The following NRG3 variants were observed in gnomAD, a reference collection of about 807,000 sequenced individuals.
The protein encoded by NRG3 is neuregulin 3.
Under a neutral mutation model 66.9 loss-of-function variants are expected in NRG3, and 31 were observed. The observed-to-expected ratio is 0.46, with a 90% CI of 0.35 to 0.63. NRG3 has a LOEUF of 0.63. Among genes scored for constraint, NRG3 ranks in the 20% least tolerant of loss-of-function variants. The pLI is 0.00. For missense variants in NRG3, 910 were observed against 878.9 expected (o/e 1.04, Z -0.45); for synonymous variants, 393 against 359.4 (o/e 1.09, Z -1.06).
At chr10:82,284,806 T>C (rs111639070) in intron 1 of NRG3, among the ~76,000 whole-genome samples, 5 of 152,208 alleles carry the variant, frequency 3.3e-5, no homozygotes, top group African/African-American at 1.2e-4. Flanking sequence ...ATGTGTTTCA[T>C]GTGAACCTCA....
chr10:82,527,239 A>G (rs1376617788), intron 2 of NRG3, among the ~76,000 whole-genome samples: 3 of 152,136 alleles, frequency 2.0e-5, no homozygotes, highest in African/African-American at 7.2e-5. Context: ...TGAATGAATC[A>G]TGCCATCAAA....
intron 1 of NRG3, among the ~76,000 whole-genome samples, chr10:82,059,409 A>G (rs2064015838): frequency 6.6e-6 from 1 of 152,234 alleles, no homozygotes; most frequent in Admixed American, 6.5e-5. Flanking sequence ...TGACTAAGAT[A>G]GCAAGGATGG....
chr10:82,227,491 G>T (rs1481222141), intron 1 of NRG3, among the ~76,000 whole-genome samples: 2 of 151,850 alleles, frequency 1.3e-5, no homozygotes, highest in African/African-American at 4.8e-5. Context: ...TTTTTAACTT[G>T]CTTATCTTTT....
intron 2 of NRG3, among the ~76,000 whole-genome samples, chr10:82,675,233 A>C (rs546947621): frequency 6.6e-6 from 1 of 152,240 alleles, no homozygotes; most frequent in South Asian, 2.1e-4. Flanking sequence ...CTGGGATTAC[A>C]GGTGTGAGAC....
At chr10:82,846,390 T>C (rs1397441569) in intron 3 of NRG3, among the ~76,000 whole-genome samples, 2 of 152,196 alleles carry the variant, frequency 1.3e-5, no homozygotes. Flanking sequence ...GGAATTATAA[T>C]AGCAGATGAT....
At chr10:82,078,459 T>C (rs2065212656) in intron 1 of NRG3, among the ~76,000 whole-genome samples, 1 of 152,192 alleles carries the variant, frequency 6.6e-6, no homozygotes, top group South Asian at 2.1e-4. Context: ...CATGCCATTC[T>C]CCTGCCTCAG....
rs547261070 is a variant in NRG3 at position 82,730,523 on chromosome 10, A to G, written c.954-8054A>G. 1.6e-4 allele frequency among the ~76,000 whole-genome samples: 24 copies of G among 152,354 alleles called. 1 individual carries two copies. In the South Asian group the frequency reaches 4.6e-3, roughly 29 times the overall value. ...TTGACAACACATTGGAAAACCTTCAAGAGTTCTAAAGCAGCCGTTACTCTG... is the reference window on the plus strand; with the variant it reads ...TTGACAACACATTGGAAAACCTTCAGGAGTTCTAAAGCAGCCGTTACTCTG... On this transcript the variant is annotated intron_variant, in intron 2 of 8. Transcript: ENST00000372141.
At chr10:82,712,610 T>G (rs1179653547) in intron 2 of NRG3, among the ~76,000 whole-genome samples, 3 of 152,066 alleles carry the variant, frequency 2.0e-5, no homozygotes, top group Non-Finnish European at 4.4e-5. Flanking sequence ...TGTGGTGAAG[T>G]GGGCAGAGAG....
intron 1 of NRG3, among the ~76,000 whole-genome samples, chr10:81,940,862 A>G (rs1388782770): frequency 1.3e-5 from 2 of 152,142 alleles, no homozygotes; most frequent in Admixed American, 6.6e-5. Flanking sequence ...TACCGAATGT[A>G]TATCCTATCA....
At chr10:82,106,138 C>A (rs1287124172) in intron 1 of NRG3, among the ~76,000 whole-genome samples, 1 of 151,824 alleles carries the variant, frequency 6.6e-6, no homozygotes, top group Admixed American at 6.6e-5. Flanking sequence ...GCCTAGTTAG[C>A]AAGGCTTATC....
At chr10:82,855,406 C>CT (rs915670649) in intron 3 of NRG3, among the ~76,000 whole-genome samples, 1 of 151,676 alleles carries the variant, frequency 6.6e-6, no homozygotes, top group East Asian at 1.9e-4. Context: ...GTCTGTGTGT[C>CT]TTTTTTTTAA....
chr10:82,098,231 A>G (rs896974587), intron 1 of NRG3, among the ~76,000 whole-genome samples: 3 of 151,792 alleles, frequency 2.0e-5, no homozygotes, highest in Non-Finnish European at 4.4e-5. Flanking sequence ...ATACACAGAC[A>G]TATAGATGTC....
At chr10:82,255,985 G>A (rs1453436363) in intron 1 of NRG3, among the ~76,000 whole-genome samples, 3 of 151,376 alleles carry the variant, frequency 2.0e-5, no homozygotes, top group East Asian at 3.9e-4. Context: ...GTTCAGTGGT[G>A]CAATCTCGTC....
chr10:82,973,972 T>C, intron 7 of NRG3, 57 bp downstream of exon 7: 2 of 1,598,398 alleles, frequency 1.3e-6, no homozygotes, highest in Non-Finnish European at 1.7e-6. Context: ...GTATGCTGGG[T>C]GGCACATGCC....
At chr10:82,692,643 C>A (rs1347731379) in intron 2 of NRG3, among the ~76,000 whole-genome samples, 1 of 152,208 alleles carries the variant, frequency 6.6e-6, no homozygotes, top group Non-Finnish European at 1.5e-5. Context: ...GGCGTGAATT[C>A]CTGGTGGCTC....
intron 1 of NRG3, among the ~76,000 whole-genome samples, chr10:82,335,931 G>C (rs373529643): frequency 5.9e-5 from 9 of 152,140 alleles, no homozygotes; most frequent in African/African-American, 2.2e-4. Flanking sequence ...AATTGTGTAA[G>C]GGGTCAAATA....
chr10:82,489,634 C>G (rs1842941305), intron 2 of NRG3, among the ~76,000 whole-genome samples: 1 of 152,148 alleles, frequency 6.6e-6, no homozygotes. Context: ...GTTGATTGTG[C>G]AGAAGGCATC....
At chr10:82,823,931 CCTAT>C (rs369978492) in intron 3 of NRG3, among the ~76,000 whole-genome samples, 178 of 152,138 alleles carry the variant, frequency 1.2e-3, no homozygotes, top group African/African-American at 4.0e-3. Flanking sequence ...AAACATCACC[CCTAT>C]CTAATTCCAG....
rs147177132 is a variant in NRG3 at position 81,969,927 on chromosome 10, AT to A, written c.823+93773del. 2.4e-4 allele frequency among the ~76,000 whole-genome samples: 36 copies of A among 151,044 alleles called. 1 individual carries two copies. Among genetic ancestry groups the A allele is most frequent in the Middle Eastern group, 3.4e-3 (1 of 294 alleles). Reference sequence around the variant, plus strand: ...AACATTTGTCACAAGATATTGCACTATTTTTTTTTAGCTGTCTATCTTTACT... The same window carrying A: ...AACATTTGTCACAAGATATTGCACTATTTTTTTTAGCTGTCTATCTTTACT... On this transcript the variant is annotated intron_variant, in intron 1 of 8. Transcript: ENST00000372141.
Sources: gnomAD v4.1 joint callset for allele counts (sites outside exome capture counted in the v4.1 genomes callset) on GRCh38, gnomAD v4.1.1 for gene constraint, MANE v1.5 for transcripts, NCBI Gene and HGNC (gene_info 2026-07-23, HGNC 2026-07-21) for gene names.